The following ADGRA3 variants were observed in gnomAD, a reference collection of about 807,000 sequenced individuals.
ADGRA3 encodes the protein adhesion G protein-coupled receptor A3.
A neutral mutation model predicts 119.8 loss-of-function variants in ADGRA3; 56 were observed. The observed-to-expected ratio is 0.47, with a 90% CI of 0.38 to 0.58. The LOEUF is 0.58. ADGRA3 is among the 20% of genes least tolerant of loss of function. The probability of loss-of-function intolerance (pLI) is 0.00; values close to 1 mark genes in which losing one functional copy is unlikely to be tolerated. For missense variants in ADGRA3, 1,516 were observed against 1,649.0 expected, an observed-to-expected ratio of 0.92 and a Z score of 1.40; for synonymous variants, 607 against 623.8, an observed-to-expected ratio of 0.97 and a Z score of 0.40.
At chr4:22,510,702 C>T (rs956406297) in intron 1 of ADGRA3, among the ~76,000 whole-genome samples, 2 of 152,184 alleles carry the variant, frequency 1.3e-5, no homozygotes, top group Non-Finnish European at 2.9e-5. Flanking sequence ...CTTCTCCCCA[C>T]TCAATCCAAT....
chr4:22,488,776 T>C (rs1718526747), intron 1 of ADGRA3, among the ~76,000 whole-genome samples: 1 of 152,124 alleles, frequency 6.6e-6, no homozygotes. Flanking sequence ...GAAAACATAA[T>C]TTTACTTTAA....
chr4:22,498,662 T>C (rs1718936612), intron 1 of ADGRA3, among the ~76,000 whole-genome samples: 1 of 151,760 alleles, frequency 6.6e-6, no homozygotes, highest in Non-Finnish European at 1.5e-5. Flanking sequence ...ACGCCTGTAA[T>C]CCCAGCACTT....
intron 14 of ADGRA3, among the ~76,000 whole-genome samples, chr4:22,410,833 T>C (rs962483048): frequency 2.0e-5 from 3 of 152,144 alleles, no homozygotes; most frequent in African/African-American, 4.8e-5. Context: ...TTGCTGCCTC[T>C]AGATGGCACA....
rs869257165 is a variant in ADGRA3 at position 22,390,401 on chromosome 4, TAAA to T, written c.2628-1221_2628-1219del. Among the ~76,000 whole-genome samples the T allele has an allele frequency of 8.8e-4, 8 of 9,124 alleles. No individual in the cohort carries two copies. The South Asian group carries it at 9.7e-3, about 11-fold the overall frequency. 6.0% of individuals were successfully genotyped at this position (9,124 alleles called of 152,430 possible). On this transcript the variant is annotated intron_variant, in intron 17 of 18. Coordinates refer to ENST00000334304, the MANE Select transcript of ADGRA3 (RefSeq NM_145290.4). ...ATATAATACGTATTATATATATATA[TAAA>T]ATACGTATTATATATATATAATACG... is the stretch of plus-strand genomic sequence containing the variant.
chr4:22,496,210 C>T (rs1718819894), intron 1 of ADGRA3, among the ~76,000 whole-genome samples: 1 of 152,032 alleles, frequency 6.6e-6, no homozygotes, highest in Non-Finnish European at 1.5e-5. Flanking sequence ...ACCTTTACAA[C>T]ACATTGGTTA....
intron 16 of ADGRA3, among the ~76,000 whole-genome samples, chr4:22,401,201 A>G (rs895670058): frequency 2.0e-5 from 3 of 152,230 alleles, no homozygotes; most frequent in African/African-American, 7.2e-5. Flanking sequence ...AACGTGTAAC[A>G]CTAAATTCCC....
chr4:22,395,490 G>A (rs1714312472), intron 16 of ADGRA3, among the ~76,000 whole-genome samples: 1 of 152,142 alleles, frequency 6.6e-6, no homozygotes, highest in African/African-American at 2.4e-5. Context: ...ATCACCATTA[G>A]GTCAGTGTTA....
At chr4:22,424,743 T>C (rs181399714) in intron 10 of ADGRA3, among the ~76,000 whole-genome samples, 21 of 152,328 alleles carry the variant, frequency 1.4e-4, no homozygotes, top group African/African-American at 5.1e-4. Context: ...TTTTTGTGCA[T>C]GCATTAGCTT....
At position 22,430,628 on chromosome 4, in the gene ADGRA3, T is replaced by G. The variant is rs552757258; in HGVS notation, c.1443+4683A>C. On this transcript the variant is annotated intron_variant, in intron 10 of 18. Coordinates refer to ENST00000334304, the MANE Select transcript of ADGRA3 (RefSeq NM_145290.4). Reference sequence around the variant, plus strand: ...ATAAGAAAAGCAGAGCACAGAAGTTTGGAAAATTTGCACCTTGACAATGTG... The same window carrying G: ...ATAAGAAAAGCAGAGCACAGAAGTTGGGAAAATTTGCACCTTGACAATGTG... 3.9e-5 allele frequency among the ~76,000 whole-genome samples: 6 copies of G among 152,084 alleles called. No homozygotes were observed. In the East Asian group the frequency reaches 1.2e-3, roughly 29 times the overall value.
At chr4:22,486,348 T>G (rs1398084091) in intron 1 of ADGRA3, among the ~76,000 whole-genome samples, 1 of 152,202 alleles carries the variant, frequency 6.6e-6, no homozygotes, top group Non-Finnish European at 1.5e-5. Context: ...CCTCTCTGGA[T>G]GCTAAGTGAT....
chr4:22,411,944 AAAC>A (rs746759044), intron 14 of ADGRA3, among the ~76,000 whole-genome samples: 2 of 152,030 alleles, frequency 1.3e-5, no homozygotes, highest in South Asian at 2.1e-4. Flanking sequence ...AGTTGAATTG[AAAC>A]AACAACAACA....
At chr4:22,503,204 G>T (rs927541866) in intron 1 of ADGRA3, among the ~76,000 whole-genome samples, 3 of 152,100 alleles carry the variant, frequency 2.0e-5, no homozygotes, top group African/African-American at 7.2e-5. Context: ...TAGGCACAAA[G>T]GATGAGTTTA....
intron 14 of ADGRA3, among the ~76,000 whole-genome samples, chr4:22,403,570 A>G (rs1429764133): frequency 1.3e-5 from 2 of 151,900 alleles, no homozygotes; most frequent in African/African-American, 2.4e-5. Context: ...TTGCATCTCC[A>G]CAAAAGATAT....
intron 1 of ADGRA3, among the ~76,000 whole-genome samples, chr4:22,475,237 C>T (rs1279460278): frequency 1.3e-5 from 2 of 152,072 alleles, no homozygotes; most frequent in East Asian, 3.9e-4. Context: ...ATCTACCTCA[C>T]GAACAGTAGA....
chr4:22,510,981 C>T (rs1013336676), intron 1 of ADGRA3, among the ~76,000 whole-genome samples: 2 of 152,194 alleles, frequency 1.3e-5, no homozygotes, highest in African/African-American at 4.8e-5. Flanking sequence ...TTGTACTGAG[C>T]CACACTGGTG....
chr4:22,405,185 G>A (rs764074989), intron 14 of ADGRA3, among the ~76,000 whole-genome samples: 12 of 152,024 alleles, frequency 7.9e-5, no homozygotes, highest in Admixed American at 6.6e-5. Flanking sequence ...TAAAACATTC[G>A]ACTAAAAGCC....
chr4:22,409,213 C>T (rs543355837), intron 14 of ADGRA3, among the ~76,000 whole-genome samples: 8 of 152,170 alleles, frequency 5.3e-5, no homozygotes, highest in Non-Finnish European at 8.8e-5. Context: ...CTCAATACCT[C>T]AATTTAAACC....
chr4:22,493,668 C>T (rs1017159130), intron 1 of ADGRA3, among the ~76,000 whole-genome samples: 4 of 152,094 alleles, frequency 2.6e-5, no homozygotes, highest in Non-Finnish European at 5.9e-5. Flanking sequence ...CAAGCCTTCC[C>T]GGAGGAGTCA....
At chr4:22,448,819 T>C (rs1417428960) in intron 4 of ADGRA3, among the ~76,000 whole-genome samples, 1 of 152,158 alleles carries the variant, frequency 6.6e-6, no homozygotes, top group Non-Finnish European at 1.5e-5. Flanking sequence ...AATAAGTACC[T>C]AGGAACTTAA....
Sources: allele counts gnomAD v4.1 joint callset (sites outside exome capture counted in the v4.1 genomes callset), GRCh38; gene constraint gnomAD v4.1.1; transcripts MANE v1.5; gene names NCBI Gene and HGNC (gene_info 2026-07-23, HGNC 2026-07-21).